Variants in COL24A1 observed in about 807,000 individuals in gnomAD.
The protein encoded by COL24A1 is collagen alpha-1(XXIV) chain.
COL24A1 carries 224 observed loss-of-function variants against 253.9 expected under a neutral mutation model. The observed-to-expected ratio is 0.88, with a 90% confidence interval of 0.79 to 0.99. The LOEUF is 0.99. Among genes scored for constraint, COL24A1 ranks in the 50% least tolerant of loss-of-function variants. COL24A1 has a pLI of 0.00. For synonymous variants in COL24A1, 685 were observed against 673.7 expected (o/e 1.02, Z -0.26); for missense variants, 2,131 against 2,068.5 (o/e 1.03, Z -0.59).
chr1:86,043,510 ACTT>A (rs200862964), intron 12 of COL24A1, among the ~76,000 whole-genome samples: 1,560 of 151,880 alleles, frequency 0.01, 39 homozygotes, highest in African/African-American at 0.035. Context: ...ATCAATCCAA[ACTT>A]CTTCTTTTTA....
At chr1:85,798,750 GACA>G (rs996222168) in intron 47 of COL24A1, among the ~76,000 whole-genome samples, 3 of 152,120 alleles carry the variant, frequency 2.0e-5, no homozygotes, top group Non-Finnish European at 4.4e-5. Flanking sequence ...ACTCATTTTA[GACA>G]ACACTTATGC....
chr1:85,877,359 T>C (rs1558498586), intron 32 of COL24A1, among the ~76,000 whole-genome samples, 184 bp from the exon 33 acceptor site: 2 of 152,154 alleles, frequency 1.3e-5, no homozygotes, highest in South Asian at 2.1e-4. Context: ...GATTCATGTA[T>C]GTGTGTGTGT....
chr1:85,847,914 T>A (rs1677319694), intron 38 of COL24A1, 142 bp from the exon 39 acceptor site: 1 of 468,760 alleles, frequency 2.1e-6, no homozygotes, highest in Admixed American at 3.9e-5. Flanking sequence ...TAACATACCA[T>A]CACTATATAA....
At chr1:85,814,821 G>A (rs754226403) in intron 47 of COL24A1, among the ~76,000 whole-genome samples, 1 of 152,118 alleles carries the variant, frequency 6.6e-6, no homozygotes, top group Non-Finnish European at 1.5e-5. Context: ...ATGTCCTGAC[G>A]AGTATCTCAT....
chr1:85,987,744 TC>T lies in COL24A1; in HGVS notation c.2311-91del. ...AAATTCCCTTTGCTATTCCTCCATATCCAGTTAAAGCAATTTATAATCCTCA... is the reference window on the plus strand; with the variant it reads ...AAATTCCCTTTGCTATTCCTCCATATCAGTTAAAGCAATTTATAATCCTCA... On this transcript the variant is annotated intron_variant, in intron 19 of 59. Coordinates refer to ENST00000370571, the MANE Select transcript of COL24A1 (RefSeq NM_152890.7). 2.7e-6 allele frequency: 3 copies of T among 1,100,182 alleles called. No homozygotes were observed. The East Asian group carries it at 7.4e-5, about 27-fold the overall frequency. The allele number at this position is 1,100,182 out of a possible 1,614,324, so 68.2% of individuals were successfully genotyped here.
At chr1:85,743,491 A>T (rs2014750) in intron 57 of COL24A1, among the ~76,000 whole-genome samples, 135,634 of 152,164 alleles carry the variant, frequency 0.89, 61,195 homozygotes, top group Non-Finnish European at 0.97. Context: ...AAATCTCCCT[A>T]CCCTGCTGTT....
chr1:86,030,007 C>T (rs1046155150), intron 14 of COL24A1: 4 of 151,952 alleles, frequency 2.6e-5, no homozygotes, highest in Non-Finnish European at 5.9e-5. Context: ...AGTATATAAA[C>T]AAGTTGCACA....
At chr1:86,119,443 T>A (rs1036157393) in intron 3 of COL24A1, among the ~76,000 whole-genome samples, 2 of 151,988 alleles carry the variant, frequency 1.3e-5, no homozygotes, top group Non-Finnish European at 2.9e-5. Flanking sequence ...GTAGAAAAGG[T>A]GGAGCTGAAG....
At chr1:85,926,083 A>G (rs1200516469) in intron 24 of COL24A1, among the ~76,000 whole-genome samples, 5 of 152,266 alleles carry the variant, frequency 3.3e-5, no homozygotes, top group Non-Finnish European at 5.9e-5. Flanking sequence ...AATGCTCATC[A>G]TCACTGGCCA....
intron 24 of COL24A1, among the ~76,000 whole-genome samples, chr1:85,945,926 C>A (rs557013179): frequency 6.6e-6 from 1 of 152,212 alleles, no homozygotes; most frequent in African/African-American, 2.4e-5. Flanking sequence ...GTTAAGAGAG[C>A]AGGCTTGAGT....
intron 24 of COL24A1, among the ~76,000 whole-genome samples, chr1:85,925,779 T>G (rs1687121832): frequency 1.3e-5 from 2 of 152,042 alleles, no homozygotes; most frequent in South Asian, 4.1e-4. Context: ...ACTTCATGAC[T>G]AAAACACCAA....
intron 47 of COL24A1, among the ~76,000 whole-genome samples, chr1:85,809,760 T>TAC (rs1213532757): frequency 5.4e-5 from 8 of 148,244 alleles, no homozygotes; most frequent in South Asian, 2.1e-4. Flanking sequence ...TATATATATA[T>TAC]ACACACACAC....
chr1:85,895,945 A>G lies in COL24A1; in HGVS notation c.2878-43T>C, dbSNP rs367636974. ...TTCTTGAGTCAAGTAGTCCCCTCCA[A>G]AAAGATTAATCATACTAAGAAAAAC... On this transcript the variant is annotated intron_variant, in intron 30 of 59. Coordinates refer to ENST00000370571, the MANE Select transcript of COL24A1 (RefSeq NM_152890.7). The G allele has an allele frequency of 3.3e-4, 524 of 1,603,000 alleles. 1 individual carries two copies. The highest frequency in any genetic ancestry group is 3.7e-4 in the Non-Finnish European group (435 of 1,176,698).
chr1:85,745,547 A>G (rs1331391104), intron 55 of COL24A1, 41 bp from the exon 56 acceptor site: 4 of 1,439,440 alleles, frequency 2.8e-6, no homozygotes, highest in Non-Finnish European at 3.9e-6. Flanking sequence ...AATAAGATCA[A>G]CACTGAGTGC....
intron 35 of COL24A1, among the ~76,000 whole-genome samples, chr1:85,873,244 T>A (rs1356059478): frequency 6.6e-6 from 1 of 152,208 alleles, no homozygotes; most frequent in Non-Finnish European, 1.5e-5. Flanking sequence ...TTGGTGGGAC[T>A]GTAAACTAGT....
intron 2 of COL24A1, among the ~76,000 whole-genome samples, chr1:86,138,074 C>G (rs1650516633): frequency 6.6e-6 from 1 of 152,130 alleles, no homozygotes; most frequent in South Asian, 2.1e-4. Flanking sequence ...TAAACCCACC[C>G]AACTAATTTT....
chr1:85,897,724 G>A (rs1231211408), intron 28 of COL24A1, among the ~76,000 whole-genome samples: 2 of 152,200 alleles, frequency 1.3e-5, no homozygotes, highest in African/African-American at 2.4e-5. Context: ...TCAGGGACTT[G>A]ATTCAATTCT....
At chr1:85,964,661 A>G (rs1691387853) in intron 23 of COL24A1, among the ~76,000 whole-genome samples, 1 of 152,192 alleles carries the variant, frequency 6.6e-6, no homozygotes, top group Non-Finnish European at 1.5e-5. Flanking sequence ...CTTTTTGAGT[A>G]TCAGCATGAC....
At chr1:85,755,329 T>C (rs1666119113) in intron 55 of COL24A1, among the ~76,000 whole-genome samples, 1 of 152,132 alleles carries the variant, frequency 6.6e-6, no homozygotes. Flanking sequence ...TAAAGGATAC[T>C]AGGCAGAAAC....
Sources: gnomAD v4.1 joint callset for allele counts (sites outside exome capture counted in the v4.1 genomes callset) on GRCh38, gnomAD v4.1.1 for gene constraint, MANE v1.5 for transcripts, NCBI Gene and HGNC (gene_info 2026-07-23, HGNC 2026-07-21) for gene names.